TASP1: variants seen among roughly 807,000 people sequenced by gnomAD.
TASP1 encodes the protein taspase 1.
In TASP1, 16 loss-of-function variants were observed where a neutral mutation model predicts 56.6. The ratio of observed to expected loss-of-function variants is 0.28; its 90% CI spans 0.19 to 0.43. The LOEUF is 0.43. TASP1 is among the 20% of genes least tolerant of loss of function. The probability of loss-of-function intolerance (pLI) is 1.00; values close to 1 mark genes in which losing one functional copy is unlikely to be tolerated. For synonymous variants in TASP1, 179 were observed against 184.2 expected, an observed-to-expected ratio of 0.97 and a Z score of 0.23; for missense variants, 393 against 511.6, an observed-to-expected ratio of 0.77 and a Z score of 2.24.
At chr20:13,366,178 A>G in the TASP1 span, among the ~76,000 whole-genome samples, 1 of 152,180 alleles carries the variant, frequency 6.6e-6, no homozygotes. Context: ...AGAGATGTCA[A>G]GTAGGTAATC....
downstream of TASP1, among the ~76,000 whole-genome samples, chr20:13,385,184 C>G (rs920687892): frequency 6.6e-6 from 1 of 152,228 alleles, no homozygotes; most frequent in African/African-American, 2.4e-5. Flanking sequence ...GGACACTGTT[C>G]TGGCCTCTGC....
At chr20:13,258,739 T>G in the TASP1 span, among the ~76,000 whole-genome samples, 1 of 152,076 alleles carries the variant, frequency 6.6e-6, no homozygotes, top group Admixed American at 6.5e-5. Context: ...TAGGGAATTG[T>G]ATCGGGGAAA....
the TASP1 span, among the ~76,000 whole-genome samples, chr20:13,134,034 A>C: frequency 6.6e-6 from 1 of 152,168 alleles, no homozygotes; most frequent in Non-Finnish European, 1.5e-5. Flanking sequence ...AACTGTGAAC[A>C]CACATTCAGG....
intron 4 of TASP1, among the ~76,000 whole-genome samples, chr20:13,617,964 A>G (rs2147493992): frequency 6.6e-6 from 1 of 152,204 alleles, no homozygotes; most frequent in African/African-American, 2.4e-5. Context: ...CCTGAGGCAC[A>G]CAGACAATTC....
At chr20:13,631,911 G>A (rs2049099384) in intron 1 of TASP1, among the ~76,000 whole-genome samples, 1 of 146,364 alleles carries the variant, frequency 6.8e-6, no homozygotes, top group Non-Finnish European at 1.5e-5. Context: ...TAATTAGCCA[G>A]GCATGGTGGT....
chr20:13,396,009 G>A (rs1225278379), intron 13 of TASP1, among the ~76,000 whole-genome samples: 5 of 151,992 alleles, frequency 3.3e-5, no homozygotes, highest in African/African-American at 1.2e-4. Flanking sequence ...ACCCTCAGCT[G>A]TCTTTTAGTG....
At chr20:13,109,417 C>A in the TASP1 span, among the ~76,000 whole-genome samples, 1 of 152,156 alleles carries the variant, frequency 6.6e-6, no homozygotes, top group Admixed American at 6.5e-5. Flanking sequence ...TTACTCAACT[C>A]CTCTGTGTCT....
chr20:13,580,319 T>C (rs2047075225), intron 6 of TASP1, among the ~76,000 whole-genome samples: 2 of 152,016 alleles, frequency 1.3e-5, no homozygotes, highest in Admixed American at 1.3e-4. Context: ...CGGTGGCACA[T>C]GCATGTAGTC....
chr20:13,267,202 T>C, the TASP1 span, among the ~76,000 whole-genome samples: 3 of 152,222 alleles, frequency 2.0e-5, no homozygotes, highest in African/African-American at 7.2e-5. Context: ...GTTAAATATG[T>C]TTTGAAAGAG....
the TASP1 span, among the ~76,000 whole-genome samples, chr20:13,330,187 T>G: frequency 6.6e-6 from 1 of 152,100 alleles, no homozygotes; most frequent in African/African-American, 2.4e-5. Context: ...ACTCCTGACC[T>G]CAAGTGATCT....
At chr20:13,218,588 G>T in the TASP1 span, among the ~76,000 whole-genome samples, 1 of 152,210 alleles carries the variant, frequency 6.6e-6, no homozygotes, top group Non-Finnish European at 1.5e-5. Flanking sequence ...TGCTCTGGAC[G>T]CTCTGCTGAA....
chr20:13,288,693 C>T, the TASP1 span: 1 of 1,610,308 alleles, frequency 6.2e-7, no homozygotes, highest in African/African-American at 1.3e-5. Context: ...GGTGCGTTTA[C>T]CTGAGTGTGT....
At chr20:13,399,836 T>C (rs953739740) in intron 13 of TASP1, among the ~76,000 whole-genome samples, 3 of 152,168 alleles carry the variant, frequency 2.0e-5, no homozygotes, top group African/African-American at 7.2e-5. Context: ...CTATGTAATC[T>C]ATCTGACCTT....
At chr20:13,361,956 T>C in the TASP1 span, among the ~76,000 whole-genome samples, 1 of 151,912 alleles carries the variant, frequency 6.6e-6, no homozygotes, top group African/African-American at 2.4e-5. Context: ...TGTTTTTCCA[T>C]TTAGTTTCTC....
chr20:13,366,323 GGAAGAGAACAGAAAC>G, the TASP1 span, among the ~76,000 whole-genome samples: 1 of 152,142 alleles, frequency 6.6e-6, no homozygotes, highest in Non-Finnish European at 1.5e-5. Context: ...TCAGAGGTCA[GGAAGAGAACAGAAAC>G]CATCAAAGGA....
chr20:13,411,793 C>T (rs932899345), intron 13 of TASP1, among the ~76,000 whole-genome samples: 4 of 152,164 alleles, frequency 2.6e-5, no homozygotes, highest in South Asian at 4.1e-4. Context: ...CTAAGGTGTT[C>T]GTTTTGCTCT....
At chr20:13,618,497 ACTTT>A (rs1383126476) in intron 4 of TASP1, among the ~76,000 whole-genome samples, 1 of 152,138 alleles carries the variant, frequency 6.6e-6, no homozygotes, top group Non-Finnish European at 1.5e-5. Context: ...GAAAATACCT[ACTTT>A]CTTTCTCTTA....
the TASP1 span, among the ~76,000 whole-genome samples, chr20:13,162,384 CT>C: frequency 6.6e-6 from 1 of 152,144 alleles, no homozygotes; most frequent in Non-Finnish European, 1.5e-5. Flanking sequence ...TGCAAAACAC[CT>C]GCTTTGAAAG....
the TASP1 span, among the ~76,000 whole-genome samples, chr20:13,276,669 T>C: frequency 7.0e-6 from 1 of 143,468 alleles, no homozygotes; most frequent in Non-Finnish European, 1.5e-5. Flanking sequence ...CTTTGTCAGT[T>C]TGGAAATCTG....
Sources: gnomAD v4.1 joint callset for allele counts (sites outside exome capture counted in the v4.1 genomes callset) on GRCh38, gnomAD v4.1.1 for gene constraint, MANE v1.5 for transcripts, NCBI Gene and HGNC (gene_info 2026-07-23, HGNC 2026-07-21) for gene names.